The following SLC24A2 variants were observed in gnomAD, a reference collection of about 807,000 sequenced individuals.
SLC24A2 encodes sodium/potassium/calcium exchanger 2.
Under a neutral mutation model 62.0 loss-of-function variants are expected in SLC24A2, and 36 were observed. That is an observed-to-expected ratio of 0.58 (90% confidence interval 0.44 to 0.77). The LOEUF (loss-of-function observed/expected upper bound fraction) is 0.77, where lower values mean the gene tolerates loss of function less well. Ranked by LOEUF, SLC24A2 falls within the 30% of genes least tolerant of loss-of-function variation. SLC24A2 has a pLI of 0.00. For missense variants in SLC24A2, 846 were observed against 817.9 expected (o/e 1.03, Z -0.42); for synonymous variants, 358 against 294.0 (o/e 1.22, Z -2.23).
the SLC24A2 span, among the ~76,000 whole-genome samples, chr9:20,212,347 G>A: frequency 4.6e-5 from 7 of 151,664 alleles, no homozygotes; most frequent in African/African-American, 1.2e-4. Context: ...AGATGAAAGT[G>A]ACAGAAATAA....
At chr9:19,673,598 A>G (rs1054305678) in intron 2 of SLC24A2, among the ~76,000 whole-genome samples, 2 of 152,096 alleles carry the variant, frequency 1.3e-5, no homozygotes, top group Non-Finnish European at 2.9e-5. Context: ...ACAGGTGTGC[A>G]CCACCATGCC....
At chr9:20,033,866 C>T in the SLC24A2 span, among the ~76,000 whole-genome samples, 3 of 152,214 alleles carry the variant, frequency 2.0e-5, no homozygotes, top group African/African-American at 7.2e-5. Flanking sequence ...CTTAGGGCTG[C>T]TCTGCCTAGG....
At chr9:20,192,054 G>T in the SLC24A2 span, among the ~76,000 whole-genome samples, 11 of 152,142 alleles carry the variant, frequency 7.2e-5, no homozygotes, top group Admixed American at 6.6e-5. Context: ...GGCATGTGGA[G>T]GAAAGTGTGA....
the SLC24A2 span, among the ~76,000 whole-genome samples, chr9:19,955,008 C>G: frequency 6.6e-6 from 1 of 151,890 alleles, no homozygotes. Context: ...TAACTATATA[C>G]TCAATTCTAA....
the SLC24A2 span, among the ~76,000 whole-genome samples, chr9:19,944,441 TAAAAA>T: frequency 1.3e-5 from 1 of 78,524 alleles, no homozygotes. Context: ...AAAGTAGTAG[TAAAAA>T]AAAAAAAAAA....
chr9:19,696,749 A>G (rs1178071668), intron 2 of SLC24A2, among the ~76,000 whole-genome samples: 1 of 152,214 alleles, frequency 6.6e-6, no homozygotes, highest in East Asian at 1.9e-4. Context: ...TAGCACTTCT[A>G]AGAAAATCTA....
chr9:19,751,376 C>T (rs1821978255), intron 2 of SLC24A2, among the ~76,000 whole-genome samples: 1 of 152,108 alleles, frequency 6.6e-6, no homozygotes, highest in African/African-American at 2.4e-5. Flanking sequence ...TTCCAAATCA[C>T]CTACAAAGTA....
chr9:20,219,637 C>A, the SLC24A2 span, among the ~76,000 whole-genome samples: 1 of 152,118 alleles, frequency 6.6e-6, no homozygotes, highest in Non-Finnish European at 1.5e-5. Flanking sequence ...TCAGGAAGAT[C>A]AATGACCGTT....
At chr9:19,896,332 T>C in the SLC24A2 span, among the ~76,000 whole-genome samples, 1 of 152,218 alleles carries the variant, frequency 6.6e-6, no homozygotes, top group Admixed American at 6.5e-5. Flanking sequence ...AACAGCTTAG[T>C]CAGGTATGTG....
intron 2 of SLC24A2, among the ~76,000 whole-genome samples, chr9:19,670,814 T>G (rs1819392102): frequency 6.6e-6 from 1 of 152,112 alleles, no homozygotes; most frequent in African/African-American, 2.4e-5. Flanking sequence ...TACCAGGTGG[T>G]AGAGGAAGGC....
intron 8 of SLC24A2, among the ~76,000 whole-genome samples, chr9:19,533,822 A>T (rs1006226442): frequency 6.6e-6 from 1 of 152,232 alleles, no homozygotes; most frequent in Admixed American, 6.5e-5. Context: ...TACAAGGTCA[A>T]ATCTAACAAA....
chr9:20,283,615 A>G, the SLC24A2 span, among the ~76,000 whole-genome samples: 1 of 152,164 alleles, frequency 6.6e-6, no homozygotes, highest in African/African-American at 2.4e-5. Flanking sequence ...ATAAAGCAGA[A>G]AAAGAGACTG....
At chr9:20,037,418 A>C in the SLC24A2 span, among the ~76,000 whole-genome samples, 1 of 152,140 alleles carries the variant, frequency 6.6e-6, no homozygotes, top group Non-Finnish European at 1.5e-5. Context: ...ACTGTATATG[A>C]CATTTGCTCT....
At chr9:19,698,419 A>T (rs1286791440) in intron 2 of SLC24A2, among the ~76,000 whole-genome samples, 2 of 152,190 alleles carry the variant, frequency 1.3e-5, no homozygotes, top group Non-Finnish European at 2.9e-5. Flanking sequence ...CAAACAAAAA[A>T]ATCTGCAATC....
the SLC24A2 span, among the ~76,000 whole-genome samples, chr9:20,189,662 T>A: frequency 1.3e-5 from 2 of 152,174 alleles, no homozygotes; most frequent in Non-Finnish European, 2.9e-5. Context: ...GGCATGAGCC[T>A]CCCTTTGGAG....
chr9:19,591,599 C>G (rs923510236), intron 5 of SLC24A2, among the ~76,000 whole-genome samples: 3 of 152,168 alleles, frequency 2.0e-5, no homozygotes, highest in African/African-American at 7.2e-5. Context: ...ATCACTTTGA[C>G]CCTTCCTCCT....
At chr9:19,997,089 T>C in the SLC24A2 span, among the ~76,000 whole-genome samples, 3 of 151,882 alleles carry the variant, frequency 2.0e-5, no homozygotes, top group Admixed American at 6.6e-5. Context: ...CAACTAGGCA[T>C]GCTTCTTGAG....
chr9:19,717,813 G>T (rs1820901925), intron 2 of SLC24A2, among the ~76,000 whole-genome samples: 2 of 151,938 alleles, frequency 1.3e-5, no homozygotes, highest in Admixed American at 6.6e-5. Flanking sequence ...ACTGGAGTAG[G>T]CTTTTCCATT....
the SLC24A2 span, among the ~76,000 whole-genome samples, chr9:20,190,779 C>A: frequency 6.6e-6 from 1 of 152,108 alleles, no homozygotes; most frequent in South Asian, 2.1e-4. Flanking sequence ...TGCTACTTAG[C>A]AATTGTATGA....
Sources: gnomAD v4.1 joint callset for allele counts (sites outside exome capture counted in the v4.1 genomes callset) on GRCh38, gnomAD v4.1.1 for gene constraint, MANE v1.5 for transcripts, NCBI Gene and HGNC (gene_info 2026-07-23, HGNC 2026-07-21) for gene names.